The following PTPRG variants were observed in gnomAD, a reference collection of about 807,000 sequenced individuals.
PTPRG encodes protein tyrosine phosphatase receptor type G, also known as receptor-type tyrosine-protein phosphatase gamma.
A neutral mutation model predicts 165.3 loss-of-function variants in PTPRG; 102 were observed. The ratio of observed to expected loss-of-function variants is 0.62; its 90% CI spans 0.53 to 0.73. The LOEUF (loss-of-function observed/expected upper bound fraction) is 0.73, where lower values mean the gene tolerates loss of function less well. Among genes scored for constraint, PTPRG ranks in the 30% least tolerant of loss-of-function variants. PTPRG has a pLI of 0.00. For synonymous variants in PTPRG, 675 were observed against 669.5 expected (o/e 1.01, Z -0.13); for missense variants, 1,866 against 1,861.4 (o/e 1.00, Z -0.05).
chr3:61,950,701 A>T (rs1376820231), intron 2 of PTPRG, among the ~76,000 whole-genome samples: 1 of 152,230 alleles, frequency 6.6e-6, no homozygotes. Flanking sequence ...GTCTTGCTTC[A>T]TATTTGAACT....
At chr3:61,826,862 G>A (rs1324328987) in intron 2 of PTPRG, among the ~76,000 whole-genome samples, 1 of 148,288 alleles carries the variant, frequency 6.7e-6, no homozygotes, top group Non-Finnish European at 1.5e-5. Flanking sequence ...ATTATGTGGT[G>A]GCAAAACCTA....
intron 1 of PTPRG, among the ~76,000 whole-genome samples, chr3:61,728,753 G>C (rs943919421): frequency 4.0e-5 from 6 of 151,878 alleles, no homozygotes; most frequent in African/African-American, 1.5e-4. Flanking sequence ...AAAAGGACCA[G>C]GGAGCAGGCC....
At chr3:61,836,311 C>T (rs1288282512) in intron 2 of PTPRG, among the ~76,000 whole-genome samples, 1 of 152,140 alleles carries the variant, frequency 6.6e-6, no homozygotes, top group Non-Finnish European at 1.5e-5. Flanking sequence ...GTACCCCTCA[C>T]CTTCCTCATT....
chr3:62,239,360 C>CTTTTTTT (rs776921598), intron 14 of PTPRG, among the ~76,000 whole-genome samples: 7 of 124,518 alleles, frequency 5.6e-5, no homozygotes, highest in African/African-American at 2.1e-4. Flanking sequence ...TTTTTTCTTT[C>CTTTTTTT]TTTTTTTTTT....
intron 1 of PTPRG, among the ~76,000 whole-genome samples, chr3:61,601,124 C>T (rs1700854942): frequency 6.6e-6 from 1 of 152,150 alleles, no homozygotes; most frequent in South Asian, 2.1e-4. Flanking sequence ...GACGTGATGG[C>T]ACACGCCTGT....
chr3:62,057,205 C>A (rs1165411039), intron 4 of PTPRG, among the ~76,000 whole-genome samples: 1 of 152,112 alleles, frequency 6.6e-6, no homozygotes, highest in Non-Finnish European at 1.5e-5. Flanking sequence ...GGATGGTTAA[C>A]CCTGGCTACA....
chr3:61,892,684 A>G (rs1019944730), intron 2 of PTPRG, among the ~76,000 whole-genome samples: 1 of 151,936 alleles, frequency 6.6e-6, no homozygotes, highest in East Asian at 1.9e-4. Context: ...GGTGTGGTGG[A>G]ACGTTCCTGT....
chr3:61,667,374 C>T (rs2107051607), intron 1 of PTPRG, among the ~76,000 whole-genome samples: 1 of 152,210 alleles, frequency 6.6e-6, no homozygotes, highest in African/African-American at 2.4e-5. Context: ...AGTCTGGCAC[C>T]TTTGACATAG....
intron 2 of PTPRG, among the ~76,000 whole-genome samples, chr3:61,797,593 C>T (rs542486179): frequency 6.7e-5 from 10 of 148,666 alleles, no homozygotes; most frequent in South Asian, 2.3e-4. Context: ...CCCCCCCCAC[C>T]CCCCCACCTC....
intron 4 of PTPRG, among the ~76,000 whole-genome samples, chr3:62,064,194 C>T (rs1464207352): frequency 2.0e-5 from 3 of 152,080 alleles, no homozygotes; most frequent in African/African-American, 2.4e-5. Flanking sequence ...GGATAAACCA[C>T]CTTTCTTGGC....
chr3:61,799,822 C>A (rs1313428975), intron 2 of PTPRG, among the ~76,000 whole-genome samples: 6 of 152,126 alleles, frequency 3.9e-5, no homozygotes, highest in South Asian at 2.1e-4. Flanking sequence ...ATTCACTAAC[C>A]CCTTGAGAGT....
chr3:61,796,340 A>T (rs2035043109), intron 2 of PTPRG, among the ~76,000 whole-genome samples: 1 of 152,216 alleles, frequency 6.6e-6, no homozygotes, highest in Admixed American at 6.5e-5. Context: ...TGCAGCAAAG[A>T]TTATTGATAT....
chr3:61,609,297 G>T (rs1278153494), intron 1 of PTPRG, among the ~76,000 whole-genome samples: 1 of 152,130 alleles, frequency 6.6e-6, no homozygotes, highest in Admixed American at 6.5e-5. Flanking sequence ...ATGTTTTCCT[G>T]TTCCATTTCT....
chr3:62,082,870 T>C (rs1341647556), intron 5 of PTPRG, among the ~76,000 whole-genome samples: 1 of 152,220 alleles, frequency 6.6e-6, no homozygotes, highest in Non-Finnish European at 1.5e-5. Context: ...TGGTTAAGTG[T>C]AATATTATAA....
At chr3:61,952,006 G>A (rs1387626349) in intron 2 of PTPRG, among the ~76,000 whole-genome samples, 2 of 150,922 alleles carry the variant, frequency 1.3e-5, no homozygotes, top group Non-Finnish European at 2.9e-5. Flanking sequence ...TAATCTCAGC[G>A]ACTTGGGAGG....
rs1559617364 is a variant in PTPRG at position 61,797,642 on chromosome 3, G to C, written c.190+48660G>C. 3.8e-5 allele frequency among the ~76,000 whole-genome samples: 5 copies of C among 129,960 alleles called. No individual in the cohort carries two copies. In the Admixed American group the frequency reaches 3.9e-4, roughly 10 times the overall value. The allele number at this position is 129,960 out of a possible 152,430, so 85.3% of individuals were successfully genotyped here. On this transcript the variant is annotated intron_variant, in intron 2 of 29. Transcript: ENST00000474889. The stretch of plus-strand genomic sequence containing the variant: ...TAAATCAAGATTTTTGGTTTTTCAG[G>C]TATGAAACTAGGTTTTCCATCTAGT...
At chr3:61,828,477 G>A (rs2036174375) in intron 2 of PTPRG, among the ~76,000 whole-genome samples, 1 of 152,218 alleles carries the variant, frequency 6.6e-6, no homozygotes, top group African/African-American at 2.4e-5. Context: ...GGTAGACAAG[G>A]TGTGTTTTGC....
intron 8 of PTPRG, among the ~76,000 whole-genome samples, chr3:62,188,858 A>G (rs7641268): frequency 0.13 from 20,257 of 152,122 alleles, 1,536 homozygotes; most frequent in Non-Finnish European, 0.16. Flanking sequence ...GGTCATCATT[A>G]TGGGATATAG....
intron 1 of PTPRG, among the ~76,000 whole-genome samples, chr3:61,625,957 CAG>C (rs968980590): frequency 6.6e-6 from 1 of 151,790 alleles, no homozygotes; most frequent in African/African-American, 2.4e-5. Context: ...CTGAGCAAAG[CAG>C]AGTCATTTAT....
Sources: gnomAD v4.1 joint callset for allele counts (sites outside exome capture counted in the v4.1 genomes callset) on GRCh38, gnomAD v4.1.1 for gene constraint, MANE v1.5 for transcripts, NCBI Gene and HGNC (gene_info 2026-07-23, HGNC 2026-07-21) for gene names.